The following CCAR2 variants were observed in gnomAD, a reference collection of about 807,000 sequenced individuals.
CCAR2 encodes the protein cell cycle and apoptosis regulator protein 2.
CCAR2 carries 21 observed loss-of-function variants against 108.1 expected under a neutral mutation model. The observed-to-expected ratio is 0.19, with a 90% CI of 0.14 to 0.28. The LOEUF is 0.28. Among genes scored for constraint, CCAR2 ranks in the 10% least tolerant of loss-of-function variants. The pLI is 1.00. For missense variants in CCAR2, 1,126 were observed against 1,177.0 expected, an observed-to-expected ratio of 0.96 and a Z score of 0.63; for synonymous variants, 577 against 472.8, an observed-to-expected ratio of 1.22 and a Z score of -2.86.
Position 22,618,864 on chromosome 8 carries a change from G to A in CCAR2, c.2370G>A (p.Thr790=), listed in dbSNP as rs140805464. The change falls in exon 19 of 21, where the codon ACG becomes ACA. Residue 790 remains threonine, a synonymous_variant. Coordinates refer to ENST00000308511, the MANE Select transcript of CCAR2 (RefSeq NM_001393997.1). ...TGCTGCCCCCTCCTGGGAAAAGCAC[G>A]AAGCCAGGTGCTGCCCCCACAGAAC... ...LDLLPPPGKS[T]KPGAAPTEHK... 2.8e-5 allele frequency: 45 copies of A among 1,613,820 alleles called. No homozygotes were observed. Among genetic ancestry groups the A allele is most frequent in the Middle Eastern group, 1.6e-4 (1 of 6,084 alleles).
In CCAR2 at chr8:22,619,367, G is replaced by C. The variant is rs779609977; in HGVS notation, c.2727+12G>C. The C allele has an allele frequency of 3.2e-6, 5 of 1,553,664 alleles. No individual in the cohort carries two copies. The highest frequency in any genetic ancestry group is 3.5e-6 in the Non-Finnish European group (4 of 1,149,576). Reference sequence around the variant, plus strand: ...GGGTGGTGGAAAAGGTAAGGTGGGGGTGGACCAGGAGGCAGCACAGCTCCT... The same window carrying C: ...GGGTGGTGGAAAAGGTAAGGTGGGGCTGGACCAGGAGGCAGCACAGCTCCT... On this transcript the variant is annotated intron_variant, in intron 20 of 20. Transcript: ENST00000308511.
intron 7 of CCAR2, among the ~76,000 whole-genome samples, chr8:22,612,345 G>A (rs1801318228): frequency 6.6e-6 from 1 of 151,694 alleles, no homozygotes; most frequent in South Asian, 2.1e-4. Context: ...TTGGCTCACT[G>A]CAACTTCTAC....
At chr8:22,610,080 T>C (rs1044110572) in intron 7 of CCAR2, among the ~76,000 whole-genome samples, 1 of 152,194 alleles carries the variant, frequency 6.6e-6, no homozygotes, top group Non-Finnish European at 1.5e-5. Flanking sequence ...AAACCCAGGA[T>C]GCTTCTGGTC....
Position 22,613,091 on chromosome 8 carries a change from A to G in CCAR2, c.659A>G (p.Asp220Gly), listed in dbSNP as rs1202908819. The change falls in exon 8 of 21, where the codon GAC becomes GGC. Residue 220 changes from aspartate (D) to glycine (G), a missense_variant. This residue lies in a region of CCAR2 where 1,013 missense variants were observed against 993.9 expected (regional missense o/e 1.02). Transcript: ENST00000308511. Reference protein sequence around the residue: ...EPWGAKKPRHDLPPYRVHLTP... With the variant: ...EPWGAKKPRHGLPPYRVHLTP... Reference sequence around the variant, plus strand: ...TGGGGTGCTAAGAAGCCAAGGCATGACCTGCCTCCTTACCGGGTCCACCTC... The same window carrying G: ...TGGGGTGCTAAGAAGCCAAGGCATGGCCTGCCTCCTTACCGGGTCCACCTC... 1 of 1,612,904 alleles carries G rather than the reference A, an allele frequency of 6.2e-7. No homozygotes were observed. The highest frequency in any genetic ancestry group is 2.2e-5 in the East Asian group (1 of 44,842).
intron 7 of CCAR2, 65 bp from the exon 8 acceptor site, chr8:22,612,952 T>A (rs752030697): frequency 6.7e-7 from 1 of 1,495,566 alleles, no homozygotes; most frequent in Non-Finnish European, 9.0e-7. Context: ...GTTCTTTTAG[T>A]TCAGTTTGTA....
At position 22,618,290 on chromosome 8, in the gene CCAR2, G is replaced by C. The variant is rs1801602854; in HGVS notation, c.2074-59G>C. ...GGATTCTGGACAGGCTGAATCCTGGGCGATAGAGCCACTGAGGGAACTATT... is the reference window on the plus strand; with the variant it reads ...GGATTCTGGACAGGCTGAATCCTGGCCGATAGAGCCACTGAGGGAACTATT... On this transcript the variant is annotated intron_variant, in intron 16 of 20. Transcript: ENST00000308511. 8.7e-6 allele frequency: 14 copies of C among 1,608,336 alleles called. No homozygotes were observed. In the South Asian group the frequency reaches 1.5e-4, roughly 18 times the overall value.
rs200426493 is a variant in CCAR2, at chr8:22,619,693, C to T, written c.*11C>T. 1.0e-4 allele frequency: 159 copies of T among 1,564,446 alleles called. 1 individual carries two copies. The highest frequency in any genetic ancestry group is 1.8e-4 in the Middle Eastern group (1 of 5,596). ...GCACCTAGCAACTGACGGCCTCGCA[C>T]GGAACTGCCATCCTGTGAGGGCAGC... On this transcript the variant is annotated 3_prime_UTR_variant, in exon 21 of 21. Transcript: ENST00000308511.
Position 22,617,401 on chromosome 8 carries a change from C to G in CCAR2, c.1846-19C>G, listed in dbSNP as rs185068942. The G allele has an allele frequency of 5.9e-4, 895 of 1,524,232 alleles. 2 individuals carry two copies. The highest frequency in any genetic ancestry group is 2.0e-3 in the South Asian group (155 of 76,214). 94.4% of individuals were successfully genotyped at this position (1,524,232 alleles called of 1,614,324 possible). ...GTAACTGCCTGCCTTTTCCTTATAA[C>G]CTTTGTCTGCCTCTGTAGAAGGAGG... On this transcript the variant is annotated intron_variant, in intron 14 of 20. Coordinates refer to ENST00000308511, the MANE Select transcript of CCAR2 (RefSeq NM_001393997.1).
rs77337016 is a variant in CCAR2 at position 22,615,816 on chromosome 8, C to A, written c.1512C>A (p.Pro504=). ...DTDLPEAPPP[P]LEPAVIARPG... is the part of the protein sequence containing the mutation. Reference sequence around the variant, plus strand: ...ATCTCCCAGAGGCCCCTCCACCCCCCCTAGAACCTGCTGTCATCGCACGCC... The same window carrying A: ...ATCTCCCAGAGGCCCCTCCACCCCCACTAGAACCTGCTGTCATCGCACGCC... Residue 504 remains proline, a synonymous_variant, in exon 13 of 21, where the codon CCC becomes CCA. Coordinates refer to ENST00000308511, the MANE Select transcript of CCAR2 (RefSeq NM_001393997.1). The A allele has an allele frequency of 2.2e-5, 36 of 1,613,870 alleles. No homozygotes were observed. The highest frequency in any genetic ancestry group is 3.3e-4 in the Middle Eastern group (2 of 6,084).
chr8:22,615,854 A>G lies in CCAR2; in HGVS notation c.1550A>G (p.Asn517Ser). Residue 517 changes from asparagine (N) to serine (S), a missense_variant, in exon 13 of 21, where the codon AAC (asparagine) becomes AGC (serine). Physicochemically the swap from Asn to Ser is conservative, Grantham distance 46. This residue lies in a region of CCAR2 where 1,013 missense variants were observed against 993.9 expected (regional missense o/e 1.02). Transcript: ENST00000308511. Reference protein sequence around the residue: ...PAVIARPGCVNLSLHGIVEDR... With the variant: ...PAVIARPGCVSLSLHGIVEDR... ...GTCATCGCACGCCCTGGCTGTGTAA[A>G]CCTGTCCCTCCATGGGATTGTGGAG... 1 of 1,613,872 alleles carries G rather than the reference A, an allele frequency of 6.2e-7. No homozygotes were observed. The highest frequency in any genetic ancestry group is 8.5e-7 in the Non-Finnish European group (1 of 1,179,992).
At chr8:22,608,938 T>C (rs1166125097) in intron 7 of CCAR2, among the ~76,000 whole-genome samples, 1 of 152,238 alleles carries the variant, frequency 6.6e-6, no homozygotes, top group Admixed American at 6.5e-5. Context: ...CTGCTCCCAC[T>C]TGATTTTGTT....
rs1172479919 is a variant in CCAR2, at chr8:22,619,632, A to C, written c.2728-6A>C. ...CGATTCTGGGTACATCATCTGTTTC[A>C]AACAGGCTGACAGCTGGGTGGAGAA... On this transcript the variant is annotated splice_region_variant and splice_polypyrimidine_tract_variant and intron_variant, in intron 20 of 20. Coordinates refer to ENST00000308511, the MANE Select transcript of CCAR2 (RefSeq NM_001393997.1). 1.3e-6 allele frequency: 2 copies of C among 1,569,844 alleles called. No individual in the cohort carries two copies. Among genetic ancestry groups the C allele is most frequent in the South Asian group, 1.2e-5 (1 of 85,482 alleles).
intron 7 of CCAR2, among the ~76,000 whole-genome samples, chr8:22,612,260 T>C (rs1420335211): frequency 7.0e-6 from 1 of 142,888 alleles, no homozygotes; most frequent in African/African-American, 2.6e-5. Flanking sequence ...TAACCGTCTC[T>C]TCTAATAAAA....
chr8:22,609,686 C>T (rs1801206228), intron 7 of CCAR2, among the ~76,000 whole-genome samples: 1 of 152,168 alleles, frequency 6.6e-6, no homozygotes, highest in African/African-American at 2.4e-5. Flanking sequence ...TTAAAGGCTT[C>T]ATTACAAAAT....
intron 14 of CCAR2, 108 bp downstream of exon 14, chr8:22,616,356 C>T (rs890872596): frequency 2.9e-6 from 3 of 1,028,366 alleles, no homozygotes; most frequent in Non-Finnish European, 4.4e-6. Flanking sequence ...TCCCTGCACC[C>T]TTGCTCGGCA....
In CCAR2 at chr8:22,605,802, A is replaced by G. The variant is rs201769711; in HGVS notation, c.29A>G (p.Asn10Ser). 20 of 1,613,898 alleles carry G rather than the reference A, an allele frequency of 1.2e-5. No homozygotes were observed. Among genetic ancestry groups the G allele is most frequent in the East Asian group, 2.2e-5 (1 of 44,896 alleles). Reference protein sequence around the residue: MSQFKRQRINPLPGGRNFSG... With the variant: MSQFKRQRISPLPGGRNFSG... ...TCCCAGTTTAAGCGCCAGCGGATCA[A>G]CCCGCTTCCAGGGGGACGCAACTTC... Residue 10 changes from asparagine (N) to serine (S), a missense_variant, in exon 2 of 21, where the codon AAC becomes AGC. This residue lies in a region of CCAR2 where 52 missense variants were observed against 63.7 expected (regional missense o/e 0.82). Transcript: ENST00000308511.
chr8:22,613,717 G>T (rs1014786010), intron 8 of CCAR2, among the ~76,000 whole-genome samples: 4 of 152,146 alleles, frequency 2.6e-5, no homozygotes, highest in East Asian at 3.8e-4. Flanking sequence ...TTCTTTAATT[G>T]TAAGTGAGAT....
chr8:22,607,241 C>G lies in CCAR2; in HGVS notation c.403C>G (p.Leu135Val). ...PAPPLLHVAA[L>V]GQKQGILGAQ... ...ACCTCCTCTTCTGCATGTAGCAGCC[C>G]TGGGCCAGAAGCAAGGGATCCTGGG... The change falls in exon 6 of 21, where the codon CTG becomes GTG. Residue 135 changes from leucine (L) to valine (V), a missense_variant. Leu to Val is a conservative substitution (Grantham distance 32, BLOSUM62 1). Transcript: ENST00000308511. 6.2e-7 allele frequency: 1 copy of G among 1,614,026 alleles called. No homozygotes were observed.
chr8:22,619,975 T>C lies in CCAR2; in HGVS notation c.*293T>C. 2.2e-6 allele frequency: 1 copy of C among 464,332 alleles called. No individual in the cohort carries two copies. The highest frequency in any genetic ancestry group is 2.6e-5 in the South Asian group (1 of 38,894). 28.8% of individuals were successfully genotyped at this position (464,332 alleles called of 1,614,324 possible). A position where few individuals can be genotyped will look rare whatever the true frequency, so the allele number is the denominator to read the frequency against. Reference sequence around the variant, plus strand: ...ATTTCTCCTGGGGCCCTTTTAGTCTTGTGCTGACTTTCTCCTGTCCTCTTC... The same window carrying C: ...ATTTCTCCTGGGGCCCTTTTAGTCTCGTGCTGACTTTCTCCTGTCCTCTTC... On this transcript the variant is annotated 3_prime_UTR_variant, in exon 21 of 21. Coordinates refer to ENST00000308511, the MANE Select transcript of CCAR2 (RefSeq NM_001393997.1).
Sources: allele counts gnomAD v4.1 joint callset (sites outside exome capture counted in the v4.1 genomes callset), GRCh38; gene constraint gnomAD v4.1.1; regional missense constraint gnomAD v4.1.1; transcripts MANE v1.5; gene names NCBI Gene and HGNC (gene_info 2026-07-23, HGNC 2026-07-21).